Variants in FBRS observed in about 807,000 individuals in gnomAD.
FBRS encodes the protein fibrosin.
Under a neutral mutation model 86.1 loss-of-function variants are expected in FBRS, and 15 were observed. That is an observed-to-expected ratio of 0.17 (90% CI 0.12 to 0.27). The LOEUF is 0.27. FBRS is among the 10% of genes least tolerant of loss of function. The pLI is 1.00. For missense variants in FBRS, 1,367 were observed against 1,301.6 expected (o/e 1.05, Z -0.77); for synonymous variants, 666 against 575.8 (o/e 1.16, Z -2.24).
intron 4 of FBRS, 77 bp downstream of exon 4, chr16:30,661,410 A>G: frequency 6.5e-7 from 1 of 1,549,738 alleles, no homozygotes; most frequent in South Asian, 1.2e-5. Flanking sequence ...TTCTGCGTGC[A>G]GCAGACAGCC....
chr16:30,659,405 G>A lies in FBRS; in HGVS notation c.-114G>A, dbSNP rs1284713733. The A allele has an allele frequency of 1.0e-5, 2 of 199,774 alleles. No individual in the cohort carries two copies. Among genetic ancestry groups the A allele is most frequent in the African/African-American group, 2.4e-5 (1 of 42,316 alleles). The allele number at this position is 199,774 out of a possible 1,614,324, so 12.4% of individuals were successfully genotyped here. ...CAGCAGATCCGGCTTTAAAGGAGAA[G>A]CCGTGGCCCTCTCGTCACTGTGCAG... On this transcript the variant is annotated 5_prime_UTR_variant, in exon 1 of 18. Transcript: ENST00000356166.
chr16:30,659,738 G>C lies in FBRS; in HGVS notation c.220G>C (p.Glu74Gln). ...GCCTTGGTCGTCAGCTTCGTCTGGA[G>C]AGCGGCCTGGGGGCCCGAGACGCCG... ...ARPWSSASSG[E>Q]RPGGPRRRRP... Residue 74 changes from glutamate to glutamine, a missense_variant, in exon 1 of 18, where the codon GAG becomes CAG. Physicochemically the swap from Glu to Gln is conservative, Grantham distance 29. Around this residue, in one of 3 missense-constraint regions of FBRS, gnomAD observed 702 missense variants for 598.7 expected, o/e 1.17. Transcript: ENST00000356166. 4 of 1,308,500 alleles carry C rather than the reference G, an allele frequency of 3.1e-6. No homozygotes were observed. Among genetic ancestry groups the C allele is most frequent in the Non-Finnish European group, 4.1e-6 (4 of 965,884 alleles). The allele number at this position is 1,308,500 out of a possible 1,614,324, so 81.1% of individuals were successfully genotyped here. A position where few individuals can be genotyped will look rare whatever the true frequency, so the allele number is the denominator to read the frequency against.
Position 30,665,013 on chromosome 16 carries a change from A to G in FBRS, c.1564-22A>G. On this transcript the variant is annotated intron_variant, in intron 8 of 17. Coordinates refer to ENST00000356166, the MANE Select transcript of FBRS (RefSeq NM_001105079.3). This position sits in a 1 kb window ranked among gnomAD's most constrained non-coding sequence, Gnocchi z 4.1. The stretch of plus-strand genomic sequence containing the variant: ...GGCCCGGGTCCCTGGCTGGCAGCTT[A>G]CTCTTCCCTTCTCTTCCCTAGTTTG... 5.6e-6 allele frequency: 9 copies of G among 1,612,538 alleles called. No homozygotes were observed. Among genetic ancestry groups the G allele is most frequent in the African/African-American group, 1.3e-5 (1 of 74,900 alleles).
At chr16:30,663,535 A>G (rs1011419994) in intron 6 of FBRS, among the ~76,000 whole-genome samples, 2 of 151,778 alleles carry the variant, frequency 1.3e-5, no homozygotes, top group Non-Finnish European at 2.9e-5. Flanking sequence ...AAAAAAGGAA[A>G]TTGAGTTCTT....
At chr16:30,663,506 G>A (rs1230132097) in intron 6 of FBRS, among the ~76,000 whole-genome samples, 2 of 150,870 alleles carry the variant, frequency 1.3e-5, no homozygotes, top group African/African-American at 2.4e-5. Flanking sequence ...TGCTTAGGGG[G>A]AGGCTAAGTT....
Position 30,667,531 on chromosome 16 carries a change from C to A in FBRS, c.1994-11C>A. The A allele has an allele frequency of 6.5e-7, 1 of 1,529,986 alleles. No individual in the cohort carries two copies. 94.8% of individuals were successfully genotyped at this position (1,529,986 alleles called of 1,614,324 possible). A position where few individuals can be genotyped will look rare whatever the true frequency, so the allele number is the denominator to read the frequency against. On this transcript the variant is annotated splice_polypyrimidine_tract_variant and intron_variant, in intron 14 of 17. Transcript: ENST00000356166. ...TCAGCCTCATCAGAATCTCCCACCT[C>A]TCTGCCCCAGGTGCCGTCCACGCTG...
Position 30,669,076 on chromosome 16 carries a change from C to G in FBRS, c.2374C>G (p.Pro792Ala). The G allele has an allele frequency of 3.1e-6, 5 of 1,601,238 alleles. No homozygotes were observed. The highest frequency in any genetic ancestry group is 2.3e-5 in the East Asian group (1 of 44,258). ...CCCACGCCTGCCCTCCAGGGACCTC[C>G]CCTTCTCACGGCCCCAGCTCCGAGT... The part of the protein sequence containing the change: ...ITKEEKDRDL[P>A]FSRPQLRVSP... The change falls in exon 18 of 18, where the codon CCC becomes GCC. Residue 792 changes from proline to alanine, a missense_variant. By Grantham distance (27) the Pro-to-Ala change is conservative. Transcript: ENST00000356166. This position sits in a 1 kb window ranked among gnomAD's most constrained non-coding sequence, Gnocchi z 5.9.
At position 30,670,077 on chromosome 16, in the gene FBRS, G is replaced by A. The variant is rs1279835778; in HGVS notation, c.*432G>A. 2.1e-6 allele frequency: 1 copy of A among 481,238 alleles called. No individual in the cohort carries two copies. The highest frequency in any genetic ancestry group is 4.1e-6 in the Non-Finnish European group (1 of 243,586). The allele number at this position is 481,238 out of a possible 1,614,324, so 29.8% of individuals were successfully genotyped here. A position where few individuals can be genotyped will look rare whatever the true frequency, so the allele number is the denominator to read the frequency against. On this transcript the variant is annotated 3_prime_UTR_variant, in exon 18 of 18. Coordinates refer to ENST00000356166, the MANE Select transcript of FBRS (RefSeq NM_001105079.3). ...GGGAGGAGGGGCTCAAGGAAGGGGG[G>A]TTCCATGTACATATTTATCACCCCT...
Position 30,667,557 on chromosome 16 carries a change from C to T in FBRS, c.2009C>T (p.Ala670Val). ...TCTGCCCCAGGTGCCGTCCACGCTG[C>T]AGCCAACCCTTTCACGGCAGCTCCC... ...LFTATGAVHA[A>V]ANPFTAAPGA... The change falls in exon 15 of 18, where the codon GCA (alanine) becomes GTA (valine). Residue 670 changes from alanine to valine, a missense_variant. Transcript: ENST00000356166. 1 of 1,541,766 alleles carries T rather than the reference C, an allele frequency of 6.5e-7. No homozygotes were observed.
Position 30,669,119 on chromosome 16 carries a change from A to G in FBRS, c.2417A>G (p.Lys806Arg), listed in dbSNP as rs1354622141. The change falls in exon 18 of 18, where the codon AAG becomes AGG. Residue 806 changes from lysine (K) to arginine (R), a missense_variant. By Grantham distance (26) the Lys-to-Arg change is conservative. Transcript: ENST00000356166. The surrounding 1 kb of genome is among the most constrained non-coding windows in gnomAD (Gnocchi z 5.9). ...PQLRVSPATP[K>R]ARAGEEGPRP... Reference sequence around the variant, plus strand: ...CTCCGAGTTTCTCCTGCTACTCCCAAGGCCCGGGCTGGTGAGGAGGGGCCT... The same window carrying G: ...CTCCGAGTTTCTCCTGCTACTCCCAGGGCCCGGGCTGGTGAGGAGGGGCCT... The G allele has an allele frequency of 6.3e-7, 1 of 1,590,580 alleles. No individual in the cohort carries two copies. Among genetic ancestry groups the G allele is most frequent in the East Asian group, 2.3e-5 (1 of 43,610 alleles).
Position 30,669,270 on chromosome 16 carries a change from C to A in FBRS, c.2568C>A (p.His856Gln), listed in dbSNP as rs776827576. The A allele has an allele frequency of 1.3e-6, 2 of 1,566,398 alleles. No homozygotes were observed. The highest frequency in any genetic ancestry group is 2.3e-5 in the South Asian group (2 of 87,092). The change falls in exon 18 of 18, where the codon CAC (histidine) becomes CAA (glutamine). Residue 856 changes from histidine to glutamine, a missense_variant. Around this residue, in one of 3 missense-constraint regions of FBRS, gnomAD observed 659 missense variants for 678.8 expected, o/e 0.97. Transcript: ENST00000356166. The surrounding 1 kb of genome is among the most constrained non-coding windows in gnomAD (Gnocchi z 5.9). The stretch of plus-strand genomic sequence containing the variant: ...CAGCCACTGGGCCCCAGGGCCTTCA[C>A]CTGCTGTTTGAGAGGCCCCGGCCGC... ...AAAATGPQGL[H>Q]LLFERPRPPP...
chr16:30,660,510 G>A (rs1209347594), intron 2 of FBRS, 68 bp downstream of exon 2: 136 of 1,255,618 alleles, frequency 1.1e-4, no homozygotes, highest in Non-Finnish European at 1.3e-4. Flanking sequence ...CATCAGCAAC[G>A]CCACTGCCCC....
rs560457612 is a variant in FBRS at position 30,659,913 on chromosome 16, A to T, written c.395A>T (p.Glu132Val). ...GAGGAGGAGCCTGAGGAGGAGGAAG[A>T]GGAGGAGGAGGACTTGATCGATGGC... ...EAEEEPEEEEEEEEDLIDGFA... is the reference protein window; with the variant it reads ...EAEEEPEEEEVEEEDLIDGFA... The change falls in exon 1 of 18, where the codon GAG becomes GTG. Residue 132 changes from glutamate (E) to valine (V), a missense_variant. Physicochemically the swap from Glu to Val is moderately radical, Grantham distance 121. Around this residue, in one of 3 missense-constraint regions of FBRS, gnomAD observed 702 missense variants for 598.7 expected, o/e 1.17. Coordinates refer to ENST00000356166, the MANE Select transcript of FBRS (RefSeq NM_001105079.3). The T allele has an allele frequency of 1.2e-5, 19 of 1,550,318 alleles. 1 individual carries two copies. The Admixed American group carries it at 3.5e-4, about 29-fold the overall frequency.
rs2052575628 is a variant in FBRS, at chr16:30,669,869, G to C, written c.*224G>C. On this transcript the variant is annotated 3_prime_UTR_variant, in exon 18 of 18. Coordinates refer to ENST00000356166, the MANE Select transcript of FBRS (RefSeq NM_001105079.3). This position sits in a 1 kb window ranked among gnomAD's most constrained non-coding sequence, Gnocchi z 5.9. ...GAGGTCACAGCCTCTAGAGAAGGGAGAGGGGCGTGTGCATGGGAGTGTGGC... is the reference window on the plus strand; with the variant it reads ...GAGGTCACAGCCTCTAGAGAAGGGACAGGGGCGTGTGCATGGGAGTGTGGC... 3.1e-6 allele frequency: 2 copies of C among 645,910 alleles called. No individual in the cohort carries two copies. The highest frequency in any genetic ancestry group is 1.8e-5 in the African/African-American group (1 of 54,618). The allele number at this position is 645,910 out of a possible 1,614,324, so 40.0% of individuals were successfully genotyped here.
chr16:30,669,568 G>C lies in FBRS; in HGVS notation c.2866G>C (p.Ala956Pro). 3 of 1,612,538 alleles carry C rather than the reference G, an allele frequency of 1.9e-6. No individual in the cohort carries two copies. Among genetic ancestry groups the C allele is most frequent in the Non-Finnish European group, 2.5e-6 (3 of 1,179,766 alleles). ...GACCCCACCGGGAGCCCTTTTGGGG[G>C]CACCACCTCCGCTTGTGCCCGCCCC... ...SKTPPGALLGAPPPLVPAPRP... is the reference protein window; with the variant it reads ...SKTPPGALLGPPPPLVPAPRP... The change falls in exon 18 of 18, where the codon GCA becomes CCA. Residue 956 changes from alanine to proline, a missense_variant. This residue lies in a region of FBRS where 659 missense variants were observed against 678.8 expected (regional missense o/e 0.97). Coordinates refer to ENST00000356166, the MANE Select transcript of FBRS (RefSeq NM_001105079.3). This position sits in a 1 kb window ranked among gnomAD's most constrained non-coding sequence, Gnocchi z 5.9.
rs1438480628 is a variant in FBRS at position 30,658,694 on chromosome 16, GC to G, written c.-821del. 1.3e-5 allele frequency: 2 copies of G among 152,308 alleles called. No homozygotes were observed. Among genetic ancestry groups the G allele is most frequent in the Non-Finnish European group, 2.9e-5 (2 of 68,078 alleles). The allele number at this position is 152,308 out of a possible 1,614,324, so 9.4% of individuals were successfully genotyped here. A position where few individuals can be genotyped will look rare whatever the true frequency, so the allele number is the denominator to read the frequency against. On this transcript the variant is annotated 5_prime_UTR_variant, in exon 1 of 18. The change abolishes the stop of an existing upstream ORF in the 5' untranslated region. Coordinates refer to ENST00000356166, the MANE Select transcript of FBRS (RefSeq NM_001105079.3). ...GGGGCTTTGGAGGGCTGGCCTCGCT[GC>G]CCCGCCCCGCCTCGCGCCTTTCATG...
chr16:30,661,280 A>C, intron 3 of FBRS, 24 bp from the exon 4 acceptor site: 1 of 1,550,556 alleles, frequency 6.4e-7, no homozygotes. Context: ...CTCTCGTGAC[A>C]CCTCTGTCTT....
Position 30,665,908 on chromosome 16 carries a change from A to G in FBRS, c.1773+202A>G. The G allele has an allele frequency of 1.8e-6, 1 of 565,536 alleles. No individual in the cohort carries two copies. Among genetic ancestry groups the G allele is most frequent in the Non-Finnish European group, 3.1e-6 (1 of 319,900 alleles). 35.0% of individuals were successfully genotyped at this position (565,536 alleles called of 1,614,324 possible). Reference sequence around the variant, plus strand: ...AGAGTTTCATGAGCTTGTCCCAGAAATAGGATGATTAGGACAATGGTTTTT... The same window carrying G: ...AGAGTTTCATGAGCTTGTCCCAGAAGTAGGATGATTAGGACAATGGTTTTT... On this transcript the variant is annotated intron_variant, in intron 11 of 17. Coordinates refer to ENST00000356166, the MANE Select transcript of FBRS (RefSeq NM_001105079.3). This position sits in a 1 kb window ranked among gnomAD's most constrained non-coding sequence, Gnocchi z 4.1.
intron 16 of FBRS, 22 bp downstream of exon 16, chr16:30,668,665 T>G (rs543286775): frequency 2.8e-5 from 41 of 1,457,254 alleles, no homozygotes; most frequent in Non-Finnish European, 3.2e-5. Flanking sequence ...TGCGGTGGGG[T>G]GGGGGGGCTG....
Sources: gnomAD v4.1 joint callset for allele counts (sites outside exome capture counted in the v4.1 genomes callset) on GRCh38, gnomAD v4.1.1 for gene constraint, gnomAD v4.1.1 regional missense constraint, Gnocchi (gnomAD v3.1) non-coding constraint, MANE v1.5 for transcripts, NCBI Gene and HGNC (gene_info 2026-07-23, HGNC 2026-07-21) for gene names.